Variants in MARCHF11 observed in about 807,000 individuals in gnomAD.
MARCHF11 encodes E3 ubiquitin-protein ligase MARCHF11.
MARCHF11 carries 29 observed loss-of-function variants against 37.3 expected under a neutral mutation model. The ratio of observed to expected loss-of-function variants is 0.78; its 90% CI spans 0.58 to 1.06. MARCHF11 has a LOEUF of 1.06. MARCHF11 is among the 50% of genes least tolerant of loss of function. The pLI is 0.00. For missense variants in MARCHF11, 482 were observed against 533.4 expected (o/e 0.90, Z 0.95); for synonymous variants, 233 against 228.0 (o/e 1.02, Z -0.20).
chr5:16,074,593 T>G (rs1186515496), intron 3 of MARCHF11, among the ~76,000 whole-genome samples: 1 of 152,118 alleles, frequency 6.6e-6, no homozygotes, highest in Non-Finnish European at 1.5e-5. Context: ...CCATGTAAAA[T>G]TCACAGAACC....
chr5:16,097,844 C>T (rs778191288), intron 2 of MARCHF11, among the ~76,000 whole-genome samples: 9 of 152,066 alleles, frequency 5.9e-5, no homozygotes, highest in Non-Finnish European at 1.2e-4. Flanking sequence ...TTTATAAGGC[C>T]ACACAACGCT....
At chr5:16,137,319 A>C (rs2126588837) in intron 2 of MARCHF11, among the ~76,000 whole-genome samples, 1 of 152,328 alleles carries the variant, frequency 6.6e-6, no homozygotes, top group South Asian at 2.1e-4. Context: ...GTAGTGAATA[A>C]GTCTCATGAC....
intron 3 of MARCHF11, among the ~76,000 whole-genome samples, chr5:16,089,466 T>C (rs952431453): frequency 2.0e-5 from 3 of 152,184 alleles, no homozygotes; most frequent in Non-Finnish European, 4.4e-5. Context: ...ATTAGCTCAA[T>C]TATTCCGGCA....
chr5:16,120,225 T>C (rs929958039), intron 2 of MARCHF11, among the ~76,000 whole-genome samples: 3 of 152,226 alleles, frequency 2.0e-5, no homozygotes, highest in African/African-American at 4.8e-5. Flanking sequence ...GCTGAGAACA[T>C]TGCATAATAA....
At chr5:16,073,951 C>T (rs1437558535) in intron 3 of MARCHF11, among the ~76,000 whole-genome samples, 1 of 152,120 alleles carries the variant, frequency 6.6e-6, no homozygotes, top group Admixed American at 6.5e-5. Context: ...ACATACATTC[C>T]GTTCATCAGC....
chr5:16,154,624 T>C (rs866386678), intron 2 of MARCHF11, among the ~76,000 whole-genome samples: 16 of 151,884 alleles, frequency 1.1e-4, no homozygotes, highest in Non-Finnish European at 2.1e-4. Flanking sequence ...GGAAACTTTG[T>C]AATGATGTGA....
intron 2 of MARCHF11, 46 bp downstream of exon 2, chr5:16,177,680 T>C (rs763040795): frequency 1.3e-6 from 2 of 1,533,796 alleles, no homozygotes; most frequent in South Asian, 1.3e-5. Flanking sequence ...AGTGCATTCA[T>C]GTTAACAAAA....
chr5:16,090,258 A>T (rs1273983193), intron 3 of MARCHF11, among the ~76,000 whole-genome samples: 7 of 152,176 alleles, frequency 4.6e-5, no homozygotes, highest in Admixed American at 4.6e-4. Context: ...AGTACTAGGG[A>T]ACAACAGATG....
chr5:16,091,142 A>AC (rs397726942), intron 2 of MARCHF11, 61 bp from the exon 3 acceptor site: 12 of 1,326,964 alleles, frequency 9.0e-6, no homozygotes, highest in Non-Finnish European at 1.1e-5. Context: ...AGAAAAAAAA[A>AC]CATTTTCAGT....
In MARCHF11 at chr5:16,067,448, C is replaced by A; in HGVS notation, c.*23G>T. On this transcript the variant is annotated 3_prime_UTR_variant, in exon 4 of 4. Coordinates refer to ENST00000332432, the MANE Select transcript of MARCHF11 (RefSeq NM_001102562.3). Reference sequence around the variant, plus strand: ...ATTGCAAAATGTGCAGGGTGGTCCACACTGCATCATCTTATGCTTTTGTCA... The same window carrying A: ...ATTGCAAAATGTGCAGGGTGGTCCAAACTGCATCATCTTATGCTTTTGTCA... 6.2e-7 allele frequency: 1 copy of A among 1,603,806 alleles called. No individual in the cohort carries two copies. The highest frequency in any genetic ancestry group is 8.5e-7 in the Non-Finnish European group (1 of 1,172,132).
chr5:16,111,903 C>T (rs574963186), intron 2 of MARCHF11, among the ~76,000 whole-genome samples: 1 of 152,278 alleles, frequency 6.6e-6, no homozygotes, highest in South Asian at 2.1e-4. Flanking sequence ...TAAAAGAAGC[C>T]AAGGTACAGC....
chr5:16,138,323 G>C (rs1737641760), intron 2 of MARCHF11, among the ~76,000 whole-genome samples: 1 of 152,182 alleles, frequency 6.6e-6, no homozygotes, highest in African/African-American at 2.4e-5. Context: ...TGCTTCAAAT[G>C]GTGCAAGCCC....
chr5:16,071,301 C>T (rs1003062093), intron 3 of MARCHF11, among the ~76,000 whole-genome samples: 1 of 152,116 alleles, frequency 6.6e-6, no homozygotes, highest in Admixed American at 6.6e-5. Context: ...AAATGTGATT[C>T]ATGAGACTTT....
chr5:16,172,160 C>T (rs1004102893), intron 2 of MARCHF11, among the ~76,000 whole-genome samples: 2 of 152,076 alleles, frequency 1.3e-5, no homozygotes, highest in East Asian at 1.9e-4. Flanking sequence ...TACATGTAGT[C>T]TGTACAGTAA....
chr5:16,108,263 A>C (rs1737078200), intron 2 of MARCHF11, among the ~76,000 whole-genome samples: 1 of 152,100 alleles, frequency 6.6e-6, no homozygotes, highest in Non-Finnish European at 1.5e-5. Flanking sequence ...TGGAGCCCAA[A>C]GCACTCACCC....
At chr5:16,178,536 T>C (rs575420087) in intron 1 of MARCHF11, among the ~76,000 whole-genome samples, 1 of 152,342 alleles carries the variant, frequency 6.6e-6, no homozygotes, top group Admixed American at 6.5e-5. Context: ...TCTTTCAAAG[T>C]CCATTCCTAT....
At chr5:16,177,048 T>G (rs191564494) in intron 2 of MARCHF11, among the ~76,000 whole-genome samples, 21 of 152,324 alleles carry the variant, frequency 1.4e-4, no homozygotes, top group South Asian at 8.3e-4. Context: ...CCAGGGCATT[T>G]GTAGATTTAT....
intron 2 of MARCHF11, among the ~76,000 whole-genome samples, chr5:16,167,157 C>CGTGTGT (rs3031646): frequency 1.3e-5 from 2 of 149,246 alleles, no homozygotes; most frequent in African/African-American, 4.9e-5. Context: ...TGTATACACA[C>CGTGTGT]GTGTGTGTGT....
intron 2 of MARCHF11, among the ~76,000 whole-genome samples, chr5:16,110,186 GA>G (rs1389062120): frequency 1.3e-4 from 20 of 152,070 alleles, no homozygotes; most frequent in Admixed American, 1.3e-3. Context: ...TGGTTCTCTA[GA>G]AAAACTGGGC....
Sources: gnomAD v4.1 joint callset for allele counts (sites outside exome capture counted in the v4.1 genomes callset) on GRCh38, gnomAD v4.1.1 for gene constraint, MANE v1.5 for transcripts, NCBI Gene and HGNC (gene_info 2026-07-23, HGNC 2026-07-21) for gene names.